The following RNFT2 variants were observed in gnomAD, a reference collection of about 807,000 sequenced individuals.
RNFT2 encodes ring finger protein, transmembrane 2.
RNFT2 carries 36 observed loss-of-function variants against 53.0 expected under a neutral mutation model. The ratio of observed to expected loss-of-function variants is 0.68; its 90% CI spans 0.52 to 0.90. RNFT2 has a LOEUF of 0.90. RNFT2 is among the 40% of genes least tolerant of loss of function. RNFT2 has a pLI of 0.00. For missense variants in RNFT2, 514 were observed against 585.6 expected, an observed-to-expected ratio of 0.88 and a Z score of 1.26; for synonymous variants, 260 against 253.2, an observed-to-expected ratio of 1.03 and a Z score of -0.26.
chr12:116,743,230 A>AAAAAAAAAC (rs1871713261), intron 3 of RNFT2, among the ~76,000 whole-genome samples: 1 of 120,768 alleles, frequency 8.3e-6, no homozygotes, highest in Non-Finnish European at 1.7e-5. Context: ...AAAAAAAAAA[A>AAAAAAAAAC]AAAAAAAAAA....
chr12:116,833,667 C>A, intron 7 of RNFT2, 125 bp from the exon 8 acceptor site: 1 of 975,686 alleles, frequency 1.0e-6, no homozygotes, highest in Non-Finnish European at 1.6e-6. Context: ...TGAGTGCTTT[C>A]CAGAGCTGAT....
rs149041932 is a variant in RNFT2, at chr12:116,830,273, T to G, written c.883-3519T>G. Among the ~76,000 whole-genome samples the G allele has an allele frequency of 1.3e-3, 191 of 152,192 alleles. 1 individual carries two copies. Among genetic ancestry groups the G allele is most frequent in the African/African-American group, 4.3e-3 (177 of 41,532 alleles). ...CAGTTGCCCCATTGACATTATTTTGTTTTTCAATTTTTATTGTTGTTTTTT... is the reference window on the plus strand; with the variant it reads ...CAGTTGCCCCATTGACATTATTTTGGTTTTCAATTTTTATTGTTGTTTTTT... On this transcript the variant is annotated intron_variant, in intron 7 of 10. Transcript: ENST00000257575.
intron 7 of RNFT2, among the ~76,000 whole-genome samples, chr12:116,809,044 C>T (rs758422059): frequency 2.0e-5 from 3 of 152,230 alleles, no homozygotes; most frequent in Non-Finnish European, 4.4e-5. Context: ...TGCACAGGGC[C>T]GGAGCCATGG....
intron 7 of RNFT2, among the ~76,000 whole-genome samples, chr12:116,790,363 C>G (rs1010760734): frequency 1.4e-5 from 2 of 147,062 alleles, no homozygotes; most frequent in East Asian, 2.0e-4. Context: ...AATAGAAACC[C>G]CTGTATTCGT....
At chr12:116,788,406 C>A (rs542663598) in intron 7 of RNFT2, among the ~76,000 whole-genome samples, 2 of 152,308 alleles carry the variant, frequency 1.3e-5, no homozygotes, top group Admixed American at 1.3e-4. Flanking sequence ...CCTACTGATT[C>A]ATCTGCCTCA....
chr12:116,769,446 A>G (rs1276025398), intron 6 of RNFT2, among the ~76,000 whole-genome samples: 2 of 152,160 alleles, frequency 1.3e-5, no homozygotes, highest in African/African-American at 4.8e-5. Flanking sequence ...GCCCCTGAAG[A>G]TCTTCCAGTG....
chr12:116,777,781 A>T (rs189940406), intron 6 of RNFT2, among the ~76,000 whole-genome samples: 98 of 152,310 alleles, frequency 6.4e-4, no homozygotes, highest in African/African-American at 2.3e-3. Context: ...CATTTTATTC[A>T]TGAGAACCCT....
intron 7 of RNFT2, among the ~76,000 whole-genome samples, chr12:116,818,421 C>T (rs762793140): frequency 6.6e-6 from 1 of 152,070 alleles, no homozygotes. Flanking sequence ...GTGCCTGGTT[C>T]AGCACTGCCG....
At chr12:116,740,809 C>T in intron 2 of RNFT2, 2 of 622,354 alleles carry the variant, frequency 3.2e-6, no homozygotes, top group Non-Finnish European at 5.8e-6. Flanking sequence ...ACCTCTGAGT[C>T]TCATCGTCCT....
intron 7 of RNFT2, among the ~76,000 whole-genome samples, chr12:116,807,076 A>G (rs1875119504): frequency 1.3e-5 from 2 of 152,192 alleles, no homozygotes; most frequent in Admixed American, 1.3e-4. Flanking sequence ...GGGGAGTGTC[A>G]TCTTGTGGCT....
Position 116,833,716 on chromosome 12 carries a change from G to A in RNFT2, c.883-76G>A, listed in dbSNP as rs181035562. 4.8e-3 allele frequency: 7,208 copies of A among 1,511,164 alleles called. 28 individuals carry two copies. Among genetic ancestry groups the A allele is most frequent in the Middle Eastern group, 7.0e-3 (37 of 5,284 alleles). The allele number at this position is 1,511,164 out of a possible 1,614,324, so 93.6% of individuals were successfully genotyped here. A position where few individuals can be genotyped will look rare whatever the true frequency, so the allele number is the denominator to read the frequency against. On this transcript the variant is annotated intron_variant, in intron 7 of 10. Coordinates refer to ENST00000257575, the MANE Select transcript of RNFT2 (RefSeq NM_001382266.1). ...GTGACCTAGAATGTCATCACTGCCC[G>A]GGGCGGGGGGCCCCCCAGCTGGGTC...
chr12:116,832,146 A>AT (rs59112507), intron 7 of RNFT2, among the ~76,000 whole-genome samples: 2,278 of 70,694 alleles, frequency 0.032, 54 homozygotes, highest in African/African-American at 0.089. Flanking sequence ...AAAAAAAAAA[A>AT]AAATATATAT....
chr12:116,823,450 G>C (rs937765361), intron 7 of RNFT2, among the ~76,000 whole-genome samples: 1 of 152,212 alleles, frequency 6.6e-6, no homozygotes, highest in South Asian at 2.1e-4. Flanking sequence ...TTAGGAGGCC[G>C]AAGTGTGTGG....
chr12:116,772,646 T>C (rs780993516), intron 6 of RNFT2, among the ~76,000 whole-genome samples: 30 of 152,048 alleles, frequency 2.0e-4, no homozygotes, highest in Non-Finnish European at 4.3e-4. Context: ...GGAAAACCCA[T>C]TTAAAAAGGA....
In RNFT2 at chr12:116,849,845, CTTTTT is replaced by C. The variant is rs750193491; in HGVS notation, c.*409_*413del. 52 of 78,972 alleles carry C rather than the reference CTTTTT, an allele frequency of 6.6e-4. No individual in the cohort carries two copies. The highest frequency in any genetic ancestry group is 2.6e-3 in the African/African-American group (44 of 17,084). The allele number at this position is 78,972 out of a possible 1,614,324, so 4.9% of individuals were successfully genotyped here. A position where few individuals can be genotyped will look rare whatever the true frequency, so the allele number is the denominator to read the frequency against. On this transcript the variant is annotated 3_prime_UTR_variant, in exon 11 of 11. Coordinates refer to ENST00000257575, the MANE Select transcript of RNFT2 (RefSeq NM_001382266.1). ...CCCTCCCTCCTTCCTTCCTTCCTTC[CTTTTT>C]TTTTTTTTTTTAAAACAAGGTCTCG...
At chr12:116,832,996 C>T (rs915779226) in intron 7 of RNFT2, among the ~76,000 whole-genome samples, 2 of 136,106 alleles carry the variant, frequency 1.5e-5, no homozygotes, top group African/African-American at 5.4e-5. Context: ...CTAACTGCAA[C>T]TCTGCCTCCC....
Position 116,851,743 on chromosome 12 carries a change from TA to T in RNFT2, c.*2306del, listed in dbSNP as rs373885060. The T allele has an allele frequency of 0.059, 24,953 of 421,342 alleles. 3 individuals carry two copies. The highest frequency in any genetic ancestry group is 0.082 in the South Asian group (2,928 of 35,550). 26.1% of individuals were successfully genotyped at this position (421,342 alleles called of 1,614,324 possible). ...GTGACAGAGTGAGTGAGACTCTGTC[TA>T]AAAAAAAAAAGAAAGAAAGAAGGGA... is the stretch of plus-strand genomic sequence containing the variant. On this transcript the variant is annotated 3_prime_UTR_variant, in exon 11 of 11. Transcript: ENST00000257575.
rs1246580338 is a variant in RNFT2 at position 116,740,465 on chromosome 12, C to G, written c.-33C>G. ...CCCCTGAGGATTCCCGAATGCCTACCTCCAGTGTCGTCAACATGGAGTTCT... is the reference window on the plus strand; with the variant it reads ...CCCCTGAGGATTCCCGAATGCCTACGTCCAGTGTCGTCAACATGGAGTTCT... On this transcript the variant is annotated 5_prime_UTR_variant, in exon 2 of 11. Coordinates refer to ENST00000257575, the MANE Select transcript of RNFT2 (RefSeq NM_001382266.1). 1.3e-6 allele frequency: 2 copies of G among 1,564,888 alleles called. No individual in the cohort carries two copies. Among genetic ancestry groups the G allele is most frequent in the Non-Finnish European group, 1.7e-6 (2 of 1,153,116 alleles).
intron 7 of RNFT2, among the ~76,000 whole-genome samples, chr12:116,794,110 A>T (rs1396988671): frequency 1.3e-5 from 2 of 151,968 alleles, no homozygotes; most frequent in African/African-American, 4.8e-5. Context: ...ATAAAAAACT[A>T]AAAACGTATC....
Sources: gnomAD v4.1 joint callset for allele counts (sites outside exome capture counted in the v4.1 genomes callset) on GRCh38, gnomAD v4.1.1 for gene constraint, MANE v1.5 for transcripts, NCBI Gene and HGNC (gene_info 2026-07-23, HGNC 2026-07-21) for gene names.